CTNNA3: variants seen among roughly 807,000 people sequenced by gnomAD.
CTNNA3 encodes the protein catenin alpha 3, also known as catenin alpha-3.
CTNNA3 carries 76 observed loss-of-function variants against 95.7 expected under a neutral mutation model. That is an observed-to-expected ratio of 0.79 (90% CI 0.66 to 0.96). CTNNA3 has a LOEUF of 0.96. CTNNA3 is among the 40% of genes least tolerant of loss of function. The probability of loss-of-function intolerance (pLI) is 0.00; values close to 1 mark genes in which losing one functional copy is unlikely to be tolerated. For synonymous variants in CTNNA3, 431 were observed against 374.4 expected (o/e 1.15, Z -1.74); for missense variants, 1,191 against 1,089.8 (o/e 1.09, Z -1.31).
intron 1 of CTNNA3, among the ~76,000 whole-genome samples, chr10:67,706,397 A>G (rs1841078825): frequency 6.6e-6 from 1 of 152,116 alleles, no homozygotes; most frequent in East Asian, 1.9e-4. Context: ...GAAAGAAAAA[A>G]GAAGAAAGAA....
chr10:66,897,594 G>A (rs1319395484), intron 7 of CTNNA3, among the ~76,000 whole-genome samples: 2 of 151,884 alleles, frequency 1.3e-5, no homozygotes, highest in African/African-American at 4.8e-5. Flanking sequence ...ATTTTCTAAG[G>A]ACAATGAAAA....
chr10:66,631,444 T>G (rs1233868733), intron 9 of CTNNA3, among the ~76,000 whole-genome samples: 1 of 152,144 alleles, frequency 6.6e-6, no homozygotes, highest in Non-Finnish European at 1.5e-5. Flanking sequence ...ATGTTGTTTA[T>G]TCCCAGAATG....
chr10:67,605,584 A>T (rs924703035), intron 3 of CTNNA3, among the ~76,000 whole-genome samples: 1 of 152,258 alleles, frequency 6.6e-6, no homozygotes, highest in South Asian at 2.1e-4. Flanking sequence ...TTATTACAGC[A>T]ACCATTTTAC....
chr10:67,752,908 AC>A (rs1841414833), intron 1 of CTNNA3, among the ~76,000 whole-genome samples: 1 of 152,220 alleles, frequency 6.6e-6, no homozygotes, highest in Non-Finnish European at 1.5e-5. Flanking sequence ...AAAGTAATTT[AC>A]AGATTTAATG....
At position 66,090,944 on chromosome 10, in the gene CTNNA3, G is replaced by A. The variant is rs541996488; in HGVS notation, c.1977+12213C>T. On this transcript the variant is annotated intron_variant, in intron 14 of 17. Transcript: ENST00000433211. ...CTATTTCGGTTATGGTACTTTCACC[G>A]TACAAAGGTAATTTTTAGAATATTA... Among the ~76,000 whole-genome samples the A allele has an allele frequency of 1.6e-4, 25 of 152,000 alleles. No individual in the cohort carries two copies. The South Asian group carries it at 3.3e-3, about 20-fold the overall frequency.
intron 13 of CTNNA3, among the ~76,000 whole-genome samples, chr10:66,248,591 G>T (rs555821778): frequency 1.3e-5 from 2 of 152,204 alleles, no homozygotes; most frequent in African/African-American, 4.8e-5. Flanking sequence ...AGTAAGAGTT[G>T]CTATACTTAT....
At chr10:66,053,168 C>T (rs1261979829) in intron 15 of CTNNA3, among the ~76,000 whole-genome samples, 3 of 151,916 alleles carry the variant, frequency 2.0e-5, no homozygotes, top group Admixed American at 1.3e-4. Context: ...TTAGAATACA[C>T]ATTATCAGAG....
At chr10:67,762,219 T>TTAAAAGCCTACATTAACTCAAACAAGC (rs1841465684) in intron 1 of CTNNA3, among the ~76,000 whole-genome samples, 1 of 151,230 alleles carries the variant, frequency 6.6e-6, no homozygotes, top group South Asian at 2.1e-4. Context: ...TTTCACTGTT[T>TTAAAAGCCTACATTAACTCAAACAAGC]TAAAAGCCTA....
intron 6 of CTNNA3, among the ~76,000 whole-genome samples, chr10:67,194,405 C>CAA: frequency 6.6e-6 from 1 of 151,826 alleles, no homozygotes; most frequent in Non-Finnish European, 1.5e-5. Flanking sequence ...TACCAAACCA[C>CAA]AAAAAGACAT....
At chr10:66,344,155 A>T (rs2092480158) in intron 12 of CTNNA3, among the ~76,000 whole-genome samples, 1 of 147,588 alleles carries the variant, frequency 6.8e-6, no homozygotes, top group South Asian at 2.2e-4. Flanking sequence ...TGAACCCCAG[A>T]GGCAGAGGTT....
chr10:66,922,967 T>G (rs147179301), intron 7 of CTNNA3, among the ~76,000 whole-genome samples: 170 of 152,296 alleles, frequency 1.1e-3, no homozygotes, highest in African/African-American at 3.9e-3. Flanking sequence ...ACAATCCAAT[T>G]ATACTTTTAG....
chr10:67,278,101 G>T (rs1178188472), intron 5 of CTNNA3, among the ~76,000 whole-genome samples: 1 of 152,228 alleles, frequency 6.6e-6, no homozygotes, highest in East Asian at 1.9e-4. Flanking sequence ...TTGGGGTCTG[G>T]ATTGGGACCC....
intron 4 of CTNNA3, among the ~76,000 whole-genome samples, chr10:67,529,203 T>A (rs1433535956): frequency 6.6e-6 from 1 of 151,912 alleles, no homozygotes; most frequent in East Asian, 1.9e-4. Context: ...AAAAATAAAG[T>A]TAGATGGAAA....
chr10:67,127,731 C>A (rs1859785582), intron 7 of CTNNA3, among the ~76,000 whole-genome samples: 1 of 152,134 alleles, frequency 6.6e-6, no homozygotes, highest in Non-Finnish European at 1.5e-5. Flanking sequence ...CTCCTTAGGA[C>A]CTAATCTCAC....
chr10:67,473,733 A>G (rs1847912366), intron 5 of CTNNA3, among the ~76,000 whole-genome samples: 2 of 152,226 alleles, frequency 1.3e-5, no homozygotes, highest in African/African-American at 2.4e-5. Flanking sequence ...AAATAATGCA[A>G]ATTTTAAAAA....
chr10:66,414,945 C>T (rs767658664), intron 11 of CTNNA3, among the ~76,000 whole-genome samples: 11 of 152,146 alleles, frequency 7.2e-5, no homozygotes, highest in East Asian at 1.9e-4. Context: ...CAAGTGACCA[C>T]AGGCTTCTCC....
intron 5 of CTNNA3, among the ~76,000 whole-genome samples, chr10:67,369,071 G>A (rs1458898859): frequency 1.3e-5 from 2 of 152,056 alleles, no homozygotes; most frequent in East Asian, 3.9e-4. Flanking sequence ...AAGGTAGCCT[G>A]GGCAACACAG....
chr10:66,446,324 T>G (rs80040939), intron 11 of CTNNA3, among the ~76,000 whole-genome samples: 40,201 of 151,952 alleles, frequency 0.26, 5,482 homozygotes, highest in South Asian at 0.39. Context: ...ACTCATTTTA[T>G]GAGGCCAGCA....
At chr10:67,469,119 A>T (rs921633723) in intron 5 of CTNNA3, among the ~76,000 whole-genome samples, 1 of 152,188 alleles carries the variant, frequency 6.6e-6, no homozygotes, top group African/African-American at 2.4e-5. Context: ...GAAAACTCTA[A>T]GAACAAAAAA....
Sources: allele counts gnomAD v4.1 joint callset (sites outside exome capture counted in the v4.1 genomes callset), GRCh38; gene constraint gnomAD v4.1.1; transcripts MANE v1.5; gene names NCBI Gene and HGNC (gene_info 2026-07-23, HGNC 2026-07-21).